Variants in KMT2C observed in about 807,000 individuals in gnomAD.
The protein encoded by KMT2C is lysine methyltransferase 2C, also known as histone-lysine N-methyltransferase 2C.
KMT2C carries 88 observed loss-of-function variants against 507.9 expected under a neutral mutation model. The observed-to-expected ratio is 0.17, with a 90% CI of 0.15 to 0.21. The LOEUF (loss-of-function observed/expected upper bound fraction) is 0.21, where lower values mean the gene tolerates loss of function less well. KMT2C is among the 10% of genes least tolerant of loss of function. The pLI, the probability that KMT2C is intolerant of heterozygous loss-of-function variation, is 1.00. For synonymous variants in KMT2C, 2,049 were observed against 2,080.8 expected, an observed-to-expected ratio of 0.98 and a Z score of 0.42; for missense variants, 4,954 against 5,957.8, an observed-to-expected ratio of 0.83 and a Z score of 5.55.
At position 152,309,978 on chromosome 7, in the gene KMT2C, T is replaced by G. The variant is rs774104309; in HGVS notation, c.837A>C (p.Ser279=). 16 of 1,604,254 alleles carry G rather than the reference T, an allele frequency of 1.0e-5. No individual in the cohort carries two copies. Among genetic ancestry groups the G allele is most frequent in the Middle Eastern group, 1.7e-4 (1 of 6,058 alleles). The part of the protein sequence containing the change: ...LLVNVDKAVV[S]GSTERCAFCK... ...TTTGTCTACTTACTTCTGTGCTCCC[T>G]GAGACAACAGCTTTGTCCACGTTCA... The change falls in exon 6 of 59, where the codon TCA becomes TCC. Residue 279 remains serine, a synonymous_variant. Transcript: ENST00000262189.
At chr7:152,168,722 C>T (rs934170199) in intron 41 of KMT2C, among the ~76,000 whole-genome samples, 1 of 152,106 alleles carries the variant, frequency 6.6e-6, no homozygotes, top group East Asian at 1.9e-4. Context: ...ACCTTGGGAC[C>T]CCTGCAAATA....
At chr7:152,358,262 G>T (rs1332602790) in intron 2 of KMT2C, among the ~76,000 whole-genome samples, 1 of 151,942 alleles carries the variant, frequency 6.6e-6, no homozygotes, top group Non-Finnish European at 1.5e-5. Flanking sequence ...ACAAACACTA[G>T]ATGGTTCATA....
chr7:152,384,702 C>A (rs532848986), intron 1 of KMT2C, among the ~76,000 whole-genome samples: 1 of 152,398 alleles, frequency 6.6e-6, no homozygotes, highest in South Asian at 2.1e-4. Context: ...GTAACAGATA[C>A]ATTAAAAATA....
At chr7:152,284,698 A>C (rs556953507) in intron 6 of KMT2C, among the ~76,000 whole-genome samples, 1 of 152,198 alleles carries the variant, frequency 6.6e-6, no homozygotes, top group Non-Finnish European at 1.5e-5. Context: ...TATATAAAAA[A>C]ACTCTTACAA....
Position 152,171,336 on chromosome 7 carries a change from A to T in KMT2C, c.9381T>A (p.Pro3127=). The part of the protein sequence containing the change: ...GMPPMVMSRF[P]FMGQVVTGTQ... ...TTCCAGTTACCACCTGGCCCATAAA[A>T]GGGAACCTGTCAAAACAGGGTACAC... The change falls in exon 40 of 59, where the codon CCT becomes CCA. Residue 3127 remains proline (P), a synonymous_variant. Coordinates refer to ENST00000262189, the MANE Select transcript of KMT2C (RefSeq NM_170606.3). The T allele has an allele frequency of 6.2e-7, 1 of 1,602,940 alleles. No individual in the cohort carries two copies. Among genetic ancestry groups the T allele is most frequent in the East Asian group, 2.3e-5 (1 of 44,394 alleles).
chr7:152,429,994 A>T (rs1254294413), intron 1 of KMT2C, among the ~76,000 whole-genome samples: 6 of 151,842 alleles, frequency 4.0e-5, no homozygotes, highest in Non-Finnish European at 8.8e-5. Context: ...CCTGGCCAAC[A>T]TGGTGAACAC....
At chr7:152,222,754 G>GT (rs2094814678) in intron 20 of KMT2C, 72 bp from the exon 21 acceptor site, 1 of 804,328 alleles carries the variant, frequency 1.2e-6, no homozygotes, top group Non-Finnish European at 2.1e-6. Context: ...TTTAAAACCT[G>GT]TAACACTGAG....
chr7:152,247,602 T>G (rs1166209492), intron 14 of KMT2C, among the ~76,000 whole-genome samples: 14 of 152,262 alleles, frequency 9.2e-5, no homozygotes, highest in Non-Finnish European at 2.1e-4. Flanking sequence ...CTATATTTAC[T>G]GCAGCACAGA....
At position 152,187,344 on chromosome 7, in the gene KMT2C, C is replaced by T. The variant is rs2129124620; in HGVS notation, c.4926G>A (p.Glu1642=). 4 of 1,614,134 alleles carry T rather than the reference C, an allele frequency of 2.5e-6. No individual in the cohort carries two copies. The highest frequency in any genetic ancestry group is 3.4e-6 in the Non-Finnish European group (4 of 1,180,016). Residue 1642 remains glutamate, a synonymous_variant, in exon 33 of 59, where the codon GAG becomes GAA. Coordinates refer to ENST00000262189, the MANE Select transcript of KMT2C (RefSeq NM_170606.3). ...AQRSTLKWEK[E]EALGEMATVA... is the part of the protein sequence containing the mutation. ...CAGTTGCCATTTCACCCAGAGCCTC[C>T]TCTTTCTCCCACTTAAGCGTGCTTC...
At chr7:152,209,551 A>T (rs1225157605) in intron 23 of KMT2C, among the ~76,000 whole-genome samples, 1 of 151,928 alleles carries the variant, frequency 6.6e-6, no homozygotes, top group Non-Finnish European at 1.5e-5. Context: ...CCTACTAAAA[A>T]ACACACTGAA....
At chr7:152,283,402 G>A (rs2096251685) in intron 6 of KMT2C, among the ~76,000 whole-genome samples, 1 of 152,112 alleles carries the variant, frequency 6.6e-6, no homozygotes, top group Non-Finnish European at 1.5e-5. Context: ...AATCAAGTTA[G>A]TTGGATACAC....
rs775505061 is a variant in KMT2C, at chr7:152,358,679, C to CAA, written c.162-5_162-4insTT. On this transcript the variant is annotated splice_region_variant and splice_polypyrimidine_tract_variant and intron_variant, in intron 1 of 58. Transcript: ENST00000262189. ...AGTTTTCCCCCTACTTCGAGGTCTA[C>CAA]AGAAAAAAAAAAAAATAATAAGTAC... 4.8e-6 allele frequency: 7 copies of CAA among 1,457,206 alleles called. No homozygotes were observed. Among genetic ancestry groups the CAA allele is most frequent in the East Asian group, 2.4e-5 (1 of 42,002 alleles). The allele number at this position is 1,457,206 out of a possible 1,614,324, so 90.3% of individuals were successfully genotyped here. A position where few individuals can be genotyped will look rare whatever the true frequency, so the allele number is the denominator to read the frequency against.
chr7:152,348,678 T>TA (rs2097085052), intron 2 of KMT2C, among the ~76,000 whole-genome samples: 1 of 108,840 alleles, frequency 9.2e-6, no homozygotes, highest in African/African-American at 3.2e-5. Flanking sequence ...CCAATAAACA[T>TA]AAACAGATGG....
intron 1 of KMT2C, among the ~76,000 whole-genome samples, chr7:152,389,996 G>A (rs1434862431): frequency 6.6e-6 from 1 of 152,246 alleles, no homozygotes; most frequent in Non-Finnish European, 1.5e-5. Context: ...TCATTTGTAA[G>A]TGGGAGCTAA....
chr7:152,347,178 T>C (rs1419079477), intron 2 of KMT2C, among the ~76,000 whole-genome samples: 1 of 152,184 alleles, frequency 6.6e-6, no homozygotes, highest in Non-Finnish European at 1.5e-5. Context: ...GACCATACTG[T>C]ATTTACTGAT....
At chr7:152,336,653 C>A (rs966884991) in intron 2 of KMT2C, among the ~76,000 whole-genome samples, 1 of 152,222 alleles carries the variant, frequency 6.6e-6, no homozygotes, top group Non-Finnish European at 1.5e-5. Context: ...GACTCCACCA[C>A]TTTGCAGAGT....
intron 24 of KMT2C, among the ~76,000 whole-genome samples, chr7:152,205,701 A>T (rs2094288912): frequency 6.6e-6 from 1 of 152,144 alleles, no homozygotes; most frequent in South Asian, 2.1e-4. Context: ...CAATTACTTT[A>T]TTTTTTTAAA....
At chr7:152,209,579 G>A (rs1296416184) in intron 23 of KMT2C, among the ~76,000 whole-genome samples, 1 of 150,178 alleles carries the variant, frequency 6.7e-6, no homozygotes, top group Non-Finnish European at 1.5e-5. Flanking sequence ...ATTTTTAAAA[G>A]ATAAAATCAA....
chr7:152,259,446 G>GCACACACACACACACACACACACACA (rs372982101), intron 9 of KMT2C, among the ~76,000 whole-genome samples: 12 of 134,688 alleles, frequency 8.9e-5, no homozygotes, highest in Non-Finnish European at 1.9e-4. Context: ...ACACACACGC[G>GCACACACACACACACACACACACACA]CACACACACA....
Sources: gnomAD v4.1 joint callset for allele counts (sites outside exome capture counted in the v4.1 genomes callset) on GRCh38, gnomAD v4.1.1 for gene constraint, MANE v1.5 for transcripts, NCBI Gene and HGNC (gene_info 2026-07-23, HGNC 2026-07-21) for gene names.